The following NOD1 variants were observed in gnomAD, a reference collection of about 807,000 sequenced individuals.
NOD1 encodes nucleotide-binding oligomerization domain-containing protein 1.
In NOD1, 70 loss-of-function variants were observed where a neutral mutation model predicts 81.2. That is an observed-to-expected ratio of 0.86 (90% CI 0.71 to 1.05). The LOEUF (loss-of-function observed/expected upper bound fraction) is 1.05. Among genes scored for constraint, NOD1 ranks in the 50% least tolerant of loss-of-function variants. The probability of loss-of-function intolerance (pLI) is 0.00; values close to 1 mark genes in which losing one functional copy is unlikely to be tolerated. For missense variants in NOD1, 1,233 were observed against 1,228.0 expected, an observed-to-expected ratio of 1.00 and a Z score of -0.06; for synonymous variants, 508 against 526.9, an observed-to-expected ratio of 0.96 and a Z score of 0.49.
intron 1 of NOD1, chr7:30,468,754 G>C (rs887709544): frequency 2.2e-6 from 2 of 909,338 alleles, no homozygotes; most frequent in Non-Finnish European, 2.6e-6. Flanking sequence ...CATGAATGGG[G>C]ACCACATCTG....
At chr7:30,433,229 A>G in intron 11 of NOD1, 50 bp from the exon 12 acceptor site, 2 of 1,449,800 alleles carry the variant, frequency 1.4e-6, no homozygotes, top group Non-Finnish European at 1.9e-6. Context: ...CTTGGCAGAC[A>G]TTGTTTTAGA....
At chr7:30,456,688 A>T in intron 4 of NOD1, 33 bp downstream of exon 4, 1 of 1,581,838 alleles carries the variant, frequency 6.3e-7, no homozygotes, top group Non-Finnish European at 8.6e-7. Flanking sequence ...CGGGGTCCAC[A>T]CAATGCCATG....
intron 6 of NOD1, among the ~76,000 whole-genome samples, chr7:30,449,436 T>G (rs1291273750): frequency 6.6e-6 from 1 of 152,228 alleles, no homozygotes; most frequent in African/African-American, 2.4e-5. Flanking sequence ...AGCAATATAA[T>G]TAGTAATAGC....
At position 30,459,966 on chromosome 7, in the gene NOD1, T is replaced by C. The variant is rs189140997; in HGVS notation, c.-276A>G. 2 of 153,102 alleles carry C rather than the reference T, an allele frequency of 1.3e-5. No homozygotes were observed. The highest frequency in any genetic ancestry group is 3.9e-4 in the East Asian group (2 of 5,190). 9.5% of individuals were successfully genotyped at this position (153,102 alleles called of 1,614,324 possible). Reference sequence around the variant, plus strand: ...GCAACTTGTCTTCCCAGATGTTTTCTGTAATCGCCGCCACAATCTCCACCT... The same window carrying C: ...GCAACTTGTCTTCCCAGATGTTTTCCGTAATCGCCGCCACAATCTCCACCT... On this transcript the variant is annotated 5_prime_UTR_variant, in exon 2 of 14. Coordinates refer to ENST00000222823, the MANE Select transcript of NOD1 (RefSeq NM_006092.4).
rs1298566571 is a variant in NOD1 at position 30,452,172 on chromosome 7, G to A, written c.1245C>T (p.Pro415=). The A allele has an allele frequency of 1.9e-5, 31 of 1,613,852 alleles. No homozygotes were observed. The highest frequency in any genetic ancestry group is 2.5e-5 in the Non-Finnish European group (29 of 1,180,026). Residue 415 remains proline, a synonymous_variant, in exon 6 of 14, where the codon CCC becomes CCT. Coordinates refer to ENST00000222823, the MANE Select transcript of NOD1 (RefSeq NM_006092.4). Reference sequence around the variant, plus strand: ...CATCTGTCAGGGTCATCGTGCAGTCGGGCAGCTGTGGTGAGCCTTCAAAGG... The same window carrying A: ...CATCTGTCAGGGTCATCGTGCAGTCAGGCAGCTGTGGTGAGCCTTCAAAGG... The part of the protein sequence containing the change: ...RAAFEGSPQL[P]DCTMTLTDVF...
chr7:30,447,886 CT>C (rs982087272), intron 7 of NOD1: 8 of 179,150 alleles, frequency 4.5e-5, no homozygotes, highest in Non-Finnish European at 7.0e-5. Flanking sequence ...CCTTAGACCC[CT>C]GCGGCCACGT....
Position 30,433,187 on chromosome 7 carries a change from A to G in NOD1, c.2622-8T>C, listed in dbSNP as rs1784091660. ...AGTTCATTTTGGGTCAGCCTAAGGAAAAAAAAGGAAGTATTTACTCAAGAG... is the reference window on the plus strand; with the variant it reads ...AGTTCATTTTGGGTCAGCCTAAGGAGAAAAAAGGAAGTATTTACTCAAGAG... On this transcript the variant is annotated splice_polypyrimidine_tract_variant and splice_region_variant and intron_variant, in intron 11 of 13. Coordinates refer to ENST00000222823, the MANE Select transcript of NOD1 (RefSeq NM_006092.4). 1.2e-6 allele frequency: 2 copies of G among 1,610,026 alleles called. No homozygotes were observed. The highest frequency in any genetic ancestry group is 2.2e-5 in the South Asian group (2 of 90,932).
chr7:30,460,126 A>G, intron 1 of NOD1, 85 bp from the exon 2 acceptor site: 1 of 482,634 alleles, frequency 2.1e-6, no homozygotes, highest in Non-Finnish European at 2.7e-6. Flanking sequence ...AGATTTAATC[A>G]GGTGTGCAGA....
At chr7:30,456,368 G>GCCTT (rs1310637089) in intron 4 of NOD1, among the ~76,000 whole-genome samples, 2 of 152,192 alleles carry the variant, frequency 1.3e-5, no homozygotes, top group Non-Finnish European at 2.9e-5. Flanking sequence ...CCAGCAACAA[G>GCCTT]CAGCCCTCCA....
chr7:30,427,714 G>A (rs1783575871), intron 13 of NOD1, among the ~76,000 whole-genome samples: 1 of 152,316 alleles, frequency 6.6e-6, no homozygotes, highest in East Asian at 1.9e-4. Context: ...CTACTAAAAT[G>A]GTTCCTTGTG....
At chr7:30,430,567 G>GT (rs1554302357) in intron 12 of NOD1, among the ~76,000 whole-genome samples, 6 of 152,170 alleles carry the variant, frequency 3.9e-5, no homozygotes, top group Non-Finnish European at 8.8e-5. Context: ...GGACTCCCTC[G>GT]TGAGAGGCAG....
intron 12 of NOD1, among the ~76,000 whole-genome samples, chr7:30,431,455 T>C (rs1161252863): frequency 6.6e-6 from 1 of 152,174 alleles, no homozygotes; most frequent in Non-Finnish European, 1.5e-5. Context: ...GACATATAAA[T>C]CAATGGACCA....
chr7:30,435,255 C>G (rs1381070547), intron 11 of NOD1, among the ~76,000 whole-genome samples: 1 of 152,112 alleles, frequency 6.6e-6, no homozygotes, highest in Non-Finnish European at 1.5e-5. Context: ...GACAGATGAG[C>G]TGGATGGAGC....
chr7:30,451,112 T>TG lies in NOD1; in HGVS notation c.2201+103dup, dbSNP rs1785645218. 1.5e-6 allele frequency: 2 copies of TG among 1,315,910 alleles called. No homozygotes were observed. The allele number at this position is 1,315,910 out of a possible 1,614,324, so 81.5% of individuals were successfully genotyped here. A position where few individuals can be genotyped will look rare whatever the true frequency, so the allele number is the denominator to read the frequency against. ...AAAGGTCTGGACATTCCAAGGGCCATGGTCATGAGTCCTGGGGGATCCTGG... is the reference window on the plus strand; with the variant it reads ...AAAGGTCTGGACATTCCAAGGGCCATGGGTCATGAGTCCTGGGGGATCCTGG... On this transcript the variant is annotated intron_variant, in intron 6 of 13. Coordinates refer to ENST00000222823, the MANE Select transcript of NOD1 (RefSeq NM_006092.4). This position sits in a 1 kb window ranked among gnomAD's most constrained non-coding sequence, Gnocchi z 4.2.
Position 30,451,253 on chromosome 7 carries a change from C to T in NOD1, c.2164G>A (p.Glu722Lys), listed in dbSNP as rs1785665567. ...AGGCGGCTGAAGCAGGGCTGCAGCT[C>T]CCGCACGCCGTAGTCGTTGAGATTG... ...NNNLNDYGVR[E>K]LQPCFSRLTV... The change falls in exon 6 of 14, where the codon GAG (glutamate) becomes AAG (lysine). Residue 722 changes from glutamate to lysine, a missense_variant. By Grantham distance (56) the Glu-to-Lys change is moderately conservative. Coordinates refer to ENST00000222823, the MANE Select transcript of NOD1 (RefSeq NM_006092.4). This position sits in a 1 kb window ranked among gnomAD's most constrained non-coding sequence, Gnocchi z 4.2. 6.2e-7 allele frequency: 1 copy of T among 1,613,986 alleles called. No homozygotes were observed. The highest frequency in any genetic ancestry group is 2.2e-5 in the East Asian group (1 of 44,886).
chr7:30,425,680 C>A lies in NOD1; in HGVS notation c.2820G>T (p.Glu940Asp). 6.2e-7 allele frequency: 1 copy of A among 1,613,908 alleles called. No individual in the cohort carries two copies. Among genetic ancestry groups the A allele is most frequent in the Non-Finnish European group, 8.5e-7 (1 of 1,179,788 alleles). Reference sequence around the variant, plus strand: ...GCTTCTCATCTTCATAGACTTTGGCCTCCTCTGGTTTTATCAGGTTTCCAT... The same window carrying A: ...GCTTCTCATCTTCATAGACTTTGGCATCCTCTGGTTTTATCAGGTTTCCAT... ...CLNGNLIKPE[E>D]AKVYEDEKRI... The change falls in exon 14 of 14, where the codon GAG (glutamate) becomes GAT (aspartate). Residue 940 changes from glutamate to aspartate, a missense_variant. Transcript: ENST00000222823.
At chr7:30,439,365 G>A in intron 9 of NOD1, among the ~76,000 whole-genome samples, 1 of 140,910 alleles carries the variant, frequency 7.1e-6, no homozygotes, top group African/African-American at 3.0e-5. Context: ...TCACTAGGGA[G>A]CGCCAGACAG....
rs1207969729 is a variant in NOD1 at position 30,446,047 on chromosome 7, C to T, written c.2453+94G>A. The T allele has an allele frequency of 9.6e-6, 9 of 934,594 alleles. No homozygotes were observed. The Admixed American group carries it at 1.4e-4, about 15-fold the overall frequency. 57.9% of individuals were successfully genotyped at this position (934,594 alleles called of 1,614,324 possible). A position where few individuals can be genotyped will look rare whatever the true frequency, so the allele number is the denominator to read the frequency against. The stretch of plus-strand genomic sequence containing the variant: ...CTCCCCGACAGCGAGCCCCAGTGGT[C>T]CTTCTGGTGTACTGATGTATGAAAA... On this transcript the variant is annotated intron_variant, in intron 9 of 13. Transcript: ENST00000222823.
At chr7:30,460,482 C>T (rs1786924911) in intron 1 of NOD1, 6 of 985,244 alleles carry the variant, frequency 6.1e-6, no homozygotes, top group Admixed American at 6.2e-5. Flanking sequence ...TTTCCCAGGC[C>T]AGTGGTGCAG....
Sources: gnomAD v4.1 joint callset for allele counts (sites outside exome capture counted in the v4.1 genomes callset) on GRCh38, gnomAD v4.1.1 for gene constraint, Gnocchi (gnomAD v3.1) non-coding constraint, MANE v1.5 for transcripts, NCBI Gene and HGNC (gene_info 2026-07-23, HGNC 2026-07-21) for gene names.